Variants in GUCY2C observed in about 807,000 individuals in gnomAD.
The protein encoded by GUCY2C is guanylate cyclase 2C.
GUCY2C carries 118 observed loss-of-function variants against 131.1 expected under a neutral mutation model. The observed-to-expected ratio is 0.90, with a 90% CI of 0.78 to 1.05. The LOEUF (loss-of-function observed/expected upper bound fraction) is 1.05, where lower values mean the gene tolerates loss of function less well. GUCY2C is among the 50% of genes least tolerant of loss of function. GUCY2C has a pLI of 0.00. For missense variants in GUCY2C, 1,161 were observed against 1,304.4 expected (o/e 0.89, Z 1.69); for synonymous variants, 452 against 457.8 (o/e 0.99, Z 0.16).
chr12:14,642,407 T>C (rs1242111404), intron 17 of GUCY2C, among the ~76,000 whole-genome samples: 1 of 152,234 alleles, frequency 6.6e-6, no homozygotes, highest in Non-Finnish European at 1.5e-5. Flanking sequence ...TTTTAAGACT[T>C]ACCTTCACCA....
intron 19 of GUCY2C, among the ~76,000 whole-genome samples, chr12:14,636,961 C>A (rs968304730): frequency 2.6e-5 from 4 of 151,780 alleles, no homozygotes; most frequent in Non-Finnish European, 5.9e-5. Context: ...GGCTTGGTGG[C>A]AGCTGCCTGT....
At chr12:14,632,955 C>A (rs1457666730) in intron 19 of GUCY2C, among the ~76,000 whole-genome samples, 3 of 152,196 alleles carry the variant, frequency 2.0e-5, no homozygotes, top group Non-Finnish European at 4.4e-5. Context: ...CAGCCACTAC[C>A]AACACCAGTG....
chr12:14,674,714 A>G lies in GUCY2C; in HGVS notation c.995T>C (p.Phe332Ser), dbSNP rs1306674918. ...ALAYLNGILL[F>S]GHMLKIFLEN... ...AAGAAATATCTTCAGCATATGTCCA[A>G]AGAGCAGGATTCCATTCAAATAGGC... is the stretch of plus-strand genomic sequence containing the variant. Residue 332 changes from phenylalanine to serine, a missense_variant, in exon 8 of 27, where the codon TTT becomes TCT. Physicochemically the swap from Phe to Ser is radical, Grantham distance 155. Coordinates refer to ENST00000261170, the MANE Select transcript of GUCY2C (RefSeq NM_004963.4). 1.6e-5 allele frequency: 25 copies of G among 1,612,020 alleles called. No individual in the cohort carries two copies. Among genetic ancestry groups the G allele is most frequent in the Non-Finnish European group, 1.9e-5 (22 of 1,178,310 alleles).
intron 5 of GUCY2C, among the ~76,000 whole-genome samples, chr12:14,681,056 C>G (rs1565633341): frequency 6.6e-6 from 1 of 151,992 alleles, no homozygotes; most frequent in African/African-American, 2.4e-5. Flanking sequence ...AAACAGTCTG[C>G]TGAGGGTGGG....
intron 6 of GUCY2C, 142 bp from the exon 7 acceptor site, chr12:14,677,113 C>T (rs1478016207): frequency 3.0e-6 from 1 of 329,780 alleles, no homozygotes; most frequent in Non-Finnish European, 5.8e-6. Context: ...TCTACTTTCC[C>T]CAGATAGAAT....
chr12:14,619,635 T>C, intron 23 of GUCY2C: 1 of 250,720 alleles, frequency 4.0e-6, no homozygotes, highest in Non-Finnish European at 7.7e-6. Context: ...GCCCCACTGC[T>C]TGCTTACTGT....
In GUCY2C at chr12:14,666,762, G is replaced by C. The variant is rs533232700; in HGVS notation, c.1282+2960C>G. ...AAAAAAAAAAAAAAGAGTAAGAAAA[G>C]AAAAGAAAAAGCCTTACTGAGGACT... On this transcript the variant is annotated intron_variant, in intron 10 of 26. Coordinates refer to ENST00000261170, the MANE Select transcript of GUCY2C (RefSeq NM_004963.4). 2.0e-5 allele frequency among the ~76,000 whole-genome samples: 3 copies of C among 149,866 alleles called. No homozygotes were observed. In the South Asian group the frequency reaches 6.3e-4, roughly 32 times the overall value.
rs182338452 is a variant in GUCY2C at position 14,694,709 on chromosome 12, G to C, written c.217+1523C>G. Among the ~76,000 whole-genome samples the C allele has an allele frequency of 1.1e-4, 16 of 152,286 alleles. No homozygotes were observed. The East Asian group carries it at 3.1e-3, about 29-fold the overall frequency. ...AGTTTCAGAATTGGAGAGATGTTGT[G>C]TGTGCACAGAAGTAACTTATTATTC... On this transcript the variant is annotated intron_variant, in intron 1 of 26. Transcript: ENST00000261170.
intron 19 of GUCY2C, among the ~76,000 whole-genome samples, chr12:14,631,027 G>A (rs146058342): frequency 8.5e-5 from 13 of 152,202 alleles, no homozygotes; most frequent in African/African-American, 2.6e-4. Flanking sequence ...GCTGTACTTC[G>A]GAAAGCTGTA....
intron 10 of GUCY2C, among the ~76,000 whole-genome samples, chr12:14,662,600 C>G (rs957058280): frequency 9.5e-5 from 14 of 147,686 alleles, no homozygotes; most frequent in Non-Finnish European, 1.9e-4. Flanking sequence ...CGCTTGAACC[C>G]GGGAGGTGGA....
chr12:14,680,750 A>G (rs927860773), intron 5 of GUCY2C, among the ~76,000 whole-genome samples: 1 of 152,118 alleles, frequency 6.6e-6, no homozygotes, highest in African/African-American at 2.4e-5. Flanking sequence ...GATTTCTAAA[A>G]TTTTGGTGCA....
rs1232183327 is a variant in GUCY2C at position 14,666,717 on chromosome 12, A to ACAGC, written c.1282+3001_1282+3004dup. 7.1e-5 allele frequency among the ~76,000 whole-genome samples: 10 copies of ACAGC among 140,462 alleles called. No homozygotes were observed. The South Asian group carries it at 2.2e-3, about 30-fold the overall frequency. The allele number at this position is 140,462 out of a possible 152,430, so 92.1% of individuals were successfully genotyped here. A position where few individuals can be genotyped will look rare whatever the true frequency, so the allele number is the denominator to read the frequency against. ...ACCACTGTACTCCAGCCTGGGTGAT[A>ACAGC]CAGCCAGACAATGTCTCCAAAAAAA... On this transcript the variant is annotated intron_variant, in intron 10 of 26. Transcript: ENST00000261170.
chr12:14,667,190 CTT>C (rs760480391), intron 10 of GUCY2C, among the ~76,000 whole-genome samples: 3 of 152,036 alleles, frequency 2.0e-5, no homozygotes, highest in African/African-American at 7.2e-5. Flanking sequence ...ACAAACCTAA[CTT>C]TGTCACTGAC....
chr12:14,626,982 C>G (rs1176253588), intron 20 of GUCY2C, among the ~76,000 whole-genome samples: 2 of 152,110 alleles, frequency 1.3e-5, no homozygotes, highest in African/African-American at 2.4e-5. Context: ...CTTAAATTAT[C>G]TCCTCATTAC....
At chr12:14,649,032 C>G (rs1487980696) in intron 15 of GUCY2C, among the ~76,000 whole-genome samples, 2 of 152,186 alleles carry the variant, frequency 1.3e-5, no homozygotes, top group Non-Finnish European at 2.9e-5. Flanking sequence ...TTGTTGAGAA[C>G]AGGTTGCAAA....
intron 21 of GUCY2C, among the ~76,000 whole-genome samples, chr12:14,623,684 G>A (rs1384574812): frequency 1.3e-5 from 2 of 152,180 alleles, no homozygotes; most frequent in Non-Finnish European, 2.9e-5. Context: ...GGAGGGACCT[G>A]GTGGGAGGTG....
rs771309755 is a variant in GUCY2C at position 14,696,322 on chromosome 12, CCAT to C, written c.124_126del (p.Met42del). ...AGGGGCTCTGCAAAGGCTGAGTTGC[CCAT>C]CATCAGGACGCTGATTTCATAGCTG... On this transcript the variant is annotated inframe_deletion, in exon 1 of 27. Coordinates refer to ENST00000261170, the MANE Select transcript of GUCY2C (RefSeq NM_004963.4). 8.1e-6 allele frequency: 13 copies of C among 1,614,036 alleles called. No individual in the cohort carries two copies. The East Asian group carries it at 2.9e-4, about 36-fold the overall frequency.
intron 20 of GUCY2C, 117 bp downstream of exon 20, chr12:14,628,529 G>T: frequency 1.5e-6 from 1 of 659,888 alleles, no homozygotes; most frequent in East Asian, 2.6e-5. Context: ...GTTGTTGGTT[G>T]CCACCTGGGA....
At chr12:14,670,984 C>T (rs962619042) in intron 9 of GUCY2C, among the ~76,000 whole-genome samples, 1 of 151,420 alleles carries the variant, frequency 6.6e-6, no homozygotes, top group African/African-American at 2.4e-5. Context: ...CTGATAAACC[C>T]GTAAGATCTC....
Sources: gnomAD v4.1 joint callset for allele counts (sites outside exome capture counted in the v4.1 genomes callset) on GRCh38, gnomAD v4.1.1 for gene constraint, MANE v1.5 for transcripts, NCBI Gene and HGNC (gene_info 2026-07-23, HGNC 2026-07-21) for gene names.